Variants in TFEB observed in about 807,000 individuals in gnomAD.
TFEB encodes the protein transcription factor EB.
TFEB carries 12 observed loss-of-function variants against 48.0 expected under a neutral mutation model. That is an observed-to-expected ratio of 0.25 (90% CI 0.16 to 0.40). TFEB has a LOEUF of 0.40. TFEB is among the 10% of genes least tolerant of loss of function. TFEB has a pLI of 1.00. For synonymous variants in TFEB, 244 were observed against 261.4 expected (o/e 0.93, Z 0.64); for missense variants, 509 against 640.3 (o/e 0.79, Z 2.21).
upstream of TFEB, chr6:41,736,055 G>T: frequency 6.5e-7 from 1 of 1,536,792 alleles, no homozygotes; most frequent in Non-Finnish European, 9.0e-7. Flanking sequence ...AAGGGGCAAG[G>T]CCAGGGTGAG....
intron 1 of TFEB, chr6:41,733,799 C>A: frequency 1.0e-6 from 1 of 985,512 alleles, no homozygotes; most frequent in South Asian, 4.7e-5. Flanking sequence ...GGCCTGAGGA[C>A]TGTCTCCCAG....
chr6:41,736,022 A>T, upstream of TFEB: 1 of 1,284,784 alleles, frequency 7.8e-7, no homozygotes, highest in South Asian at 1.2e-5. Flanking sequence ...TGGATCTTGC[A>T]CTTTTATCCC....
intron 1 of TFEB, among the ~76,000 whole-genome samples, chr6:41,697,200 G>T (rs538071261): frequency 1.8e-4 from 28 of 151,940 alleles, no homozygotes; most frequent in Admixed American, 1.8e-3. Flanking sequence ...TTGAGGTCAG[G>T]AGTTCAAGAC....
At chr6:41,699,896 A>T (rs12210490) in intron 1 of TFEB, among the ~76,000 whole-genome samples, 8,256 of 152,280 alleles carry the variant, frequency 0.054, 328 homozygotes, top group Non-Finnish European at 0.081. Context: ...AGCAAAATGC[A>T]TAGATTTGTA....
intron 1 of TFEB, chr6:41,733,135 C>CTTG (rs1250300118): frequency 1.2e-6 from 1 of 800,360 alleles, no homozygotes; most frequent in African/African-American, 1.9e-5. Context: ...CCTCAAAGGG[C>CTTG]AGCCAGACTT....
intron 7 of TFEB, 146 bp downstream of exon 7, chr6:41,686,948 G>A (rs796917539): frequency 4.2e-6 from 3 of 710,572 alleles, no homozygotes; most frequent in Non-Finnish European, 7.4e-6. Context: ...TGATTTGGGA[G>A]AGGGAGAGAT....
At chr6:41,692,057 T>G (rs1769348303) in intron 1 of TFEB, among the ~76,000 whole-genome samples, 1 of 152,170 alleles carries the variant, frequency 6.6e-6, no homozygotes, top group South Asian at 2.1e-4. Flanking sequence ...TACAGAGACC[T>G]TCTAGGACCA....
At chr6:41,736,038 C>T (rs1404671345), upstream of TFEB, 7 of 1,435,068 alleles carry the variant, frequency 4.9e-6, no homozygotes, top group Non-Finnish European at 5.9e-6. Context: ...ATCCCTGCCC[C>T]GATCATAAGG....
At chr6:41,698,664 G>A (rs1220442141) in intron 1 of TFEB, among the ~76,000 whole-genome samples, 1 of 152,156 alleles carries the variant, frequency 6.6e-6, no homozygotes, top group African/African-American at 2.4e-5. Flanking sequence ...TCTCAGTCGT[G>A]GGGGAGCTGC....
intron 1 of TFEB, chr6:41,735,042 G>A: frequency 1.0e-6 from 1 of 985,322 alleles, no homozygotes; most frequent in South Asian, 4.7e-5. Flanking sequence ...GGGCCGGGAA[G>A]GCCCATGCCC....
chr6:41,714,594 A>C (rs959443776), intron 1 of TFEB, among the ~76,000 whole-genome samples: 1 of 152,152 alleles, frequency 6.6e-6, no homozygotes. Context: ...CACTTACTAC[A>C]TGCCAGCACT....
intron 1 of TFEB, chr6:41,733,451 TG>T (rs1197773534): frequency 4.3e-6 from 1 of 234,774 alleles, no homozygotes; most frequent in Non-Finnish European, 7.0e-6. Context: ...AAAATAACCC[TG>T]CAGCTGTAAC....
At chr6:41,713,473 C>A (rs544883797) in intron 1 of TFEB, among the ~76,000 whole-genome samples, 3 of 152,178 alleles carry the variant, frequency 2.0e-5, no homozygotes, top group African/African-American at 4.8e-5. Context: ...TGATCCCCTC[C>A]GGTCCCTACG....
rs1771064079 is a variant in TFEB at position 41,723,360 on chromosome 6, C to G, written c.-23+11990G>C. ...AAGACACCACACGCATGCACATACACTCACACAGATGCACACAGGCTAACA... is the reference window on the plus strand; with the variant it reads ...AAGACACCACACGCATGCACATACAGTCACACAGATGCACACAGGCTAACA... On this transcript the variant is annotated intron_variant, in intron 1 of 8. Transcript: ENST00000373033. The surrounding 1 kb of genome is among the most constrained non-coding windows in gnomAD (Gnocchi z 6.0). The G allele has an allele frequency of 1.3e-6, 1 of 768,032 alleles. No homozygotes were observed. The highest frequency in any genetic ancestry group is 1.8e-5 in the African/African-American group (1 of 55,960). The allele number at this position is 768,032 out of a possible 1,614,324, so 47.6% of individuals were successfully genotyped here. A position where few individuals can be genotyped will look rare whatever the true frequency, so the allele number is the denominator to read the frequency against.
At chr6:41,735,709 G>A, upstream of TFEB, 2 of 336,806 alleles carry the variant, frequency 5.9e-6, no homozygotes, top group Non-Finnish European at 4.3e-6. Flanking sequence ...CTGCAGTCCC[G>A]CTAGGCACGC....
At chr6:41,707,815 G>A (rs1770306119) in intron 1 of TFEB, among the ~76,000 whole-genome samples, 1 of 152,258 alleles carries the variant, frequency 6.6e-6, no homozygotes, top group Admixed American at 6.5e-5. Context: ...CAGAGACACA[G>A]AGGGAGGCTA....
At chr6:41,731,247 C>T (rs1404214006) in intron 1 of TFEB, among the ~76,000 whole-genome samples, 1 of 151,814 alleles carries the variant, frequency 6.6e-6, no homozygotes, top group Non-Finnish European at 1.5e-5. Context: ...AAGCAGCTTG[C>T]CGAGGCTCAC....
chr6:41,713,668 A>T lies in TFEB; in HGVS notation c.-23+21682T>A, dbSNP rs1770584152. Reference sequence around the variant, plus strand: ...GAAAGGCAGACAGCCAGGCCACCTTACTCCTCAGGCTGTGGCCAAAACAGG... The same window carrying T: ...GAAAGGCAGACAGCCAGGCCACCTTTCTCCTCAGGCTGTGGCCAAAACAGG... On this transcript the variant is annotated intron_variant, in intron 1 of 8. Coordinates refer to ENST00000373033, the MANE Select transcript of TFEB (RefSeq NM_001271944.2). Among the ~76,000 whole-genome samples, 2 of 151,874 alleles carry T rather than the reference A, an allele frequency of 1.3e-5. 1 individual carries two copies. Among genetic ancestry groups the T allele is most frequent in the East Asian group, 3.9e-4 (2 of 5,178 alleles).
intron 1 of TFEB, among the ~76,000 whole-genome samples, chr6:41,729,092 C>T (rs1372688816): frequency 2.0e-5 from 3 of 152,174 alleles, no homozygotes; most frequent in East Asian, 1.9e-4. Context: ...CCCCCACTCC[C>T]GGCCCCGCCT....
Sources: gnomAD v4.1 joint callset for allele counts (sites outside exome capture counted in the v4.1 genomes callset) on GRCh38, gnomAD v4.1.1 for gene constraint, Gnocchi (gnomAD v3.1) non-coding constraint, MANE v1.5 for transcripts, NCBI Gene and HGNC (gene_info 2026-07-23, HGNC 2026-07-21) for gene names.